Variants in ATP9B observed in about 807,000 individuals in gnomAD.
ATP9B encodes probable phospholipid-transporting ATPase IIB.
ATP9B carries 110 observed loss-of-function variants against 146.1 expected under a neutral mutation model. The observed-to-expected ratio is 0.75, with a 90% CI of 0.65 to 0.88. The LOEUF is 0.88. ATP9B is among the 40% of genes least tolerant of loss of function. The pLI is 0.00. For synonymous variants in ATP9B, 604 were observed against 569.7 expected (o/e 1.06, Z -0.86); for missense variants, 1,499 against 1,496.4 (o/e 1.00, Z -0.03).
At chr18:79,144,532 A>G (rs1417167392) in intron 6 of ATP9B, among the ~76,000 whole-genome samples, 1 of 152,160 alleles carries the variant, frequency 6.6e-6, no homozygotes, top group Non-Finnish European at 1.5e-5. Flanking sequence ...GTGAGAATCT[A>G]ATGCTGCTGC....
rs190268927 is a variant in ATP9B at position 79,361,230 on chromosome 18, G to A, written c.3012+1768G>A. ...GGCTATTGGAGTGGGGCAGTAACAC[G>A]TTTTTACTGTTTTCAAGGATTTAGA... On this transcript the variant is annotated intron_variant, in intron 26 of 29. Coordinates refer to ENST00000426216, the MANE Select transcript of ATP9B (RefSeq NM_198531.5). 1.1e-4 allele frequency: 16 copies of A among 152,260 alleles called. No individual in the cohort carries two copies. In the East Asian group the frequency reaches 2.5e-3, roughly 24 times the overall value. 9.4% of individuals were successfully genotyped at this position (152,260 alleles called of 1,614,324 possible).
chr18:79,315,436 C>T (rs1214712031), intron 15 of ATP9B, among the ~76,000 whole-genome samples: 1 of 152,140 alleles, frequency 6.6e-6, no homozygotes, highest in Non-Finnish European at 1.5e-5. Context: ...GATCAAATTG[C>T]ATCTTATGTT....
intron 12 of ATP9B, among the ~76,000 whole-genome samples, chr18:79,261,833 G>A (rs1057483184): frequency 6.6e-6 from 1 of 152,124 alleles, no homozygotes; most frequent in South Asian, 2.1e-4. Context: ...GTTGTTGCTC[G>A]AGCGTTGTGG....
At chr18:79,341,947 A>C (rs1310309981) in intron 19 of ATP9B, among the ~76,000 whole-genome samples, 1 of 152,122 alleles carries the variant, frequency 6.6e-6, no homozygotes, top group Non-Finnish European at 1.5e-5. Flanking sequence ...CCCACCATCT[A>C]GTTCTTTCTC....
At chr18:79,142,680 T>C (rs2094528591) in intron 5 of ATP9B, among the ~76,000 whole-genome samples, 2 of 152,212 alleles carry the variant, frequency 1.3e-5, no homozygotes, top group African/African-American at 2.4e-5. Context: ...CTAAAGACCA[T>C]TGCTATTTTA....
intron 7 of ATP9B, among the ~76,000 whole-genome samples, chr18:79,157,413 A>AAACAAAAAAAC (rs1184288780): frequency 2.0e-5 from 3 of 150,146 alleles, no homozygotes; most frequent in Non-Finnish European, 3.0e-5. Flanking sequence ...AAAAAAAAAA[A>AAACAAAAAAAC]AAAAAAAAAA....
At chr18:79,366,156 T>C (rs2097027040) in intron 26 of ATP9B, among the ~76,000 whole-genome samples, 1 of 152,164 alleles carries the variant, frequency 6.6e-6, no homozygotes, top group South Asian at 2.1e-4. Flanking sequence ...AAGAGACCCG[T>C]CCGTGGTCGC....
intron 15 of ATP9B, among the ~76,000 whole-genome samples, chr18:79,314,316 T>G (rs2096668128): frequency 6.6e-6 from 1 of 152,248 alleles, no homozygotes; most frequent in Non-Finnish European, 1.5e-5. Context: ...CTAGTTTTAG[T>G]CGCTGATACA....
intron 7 of ATP9B, among the ~76,000 whole-genome samples, chr18:79,171,891 T>G (rs2095078678): frequency 6.6e-6 from 1 of 151,926 alleles, no homozygotes; most frequent in Non-Finnish European, 1.5e-5. Flanking sequence ...TTTTTTTGTT[T>G]GTTTGTTTGT....
intron 26 of ATP9B, among the ~76,000 whole-genome samples, chr18:79,365,310 C>T (rs978374826): frequency 2.0e-5 from 3 of 152,110 alleles, no homozygotes; most frequent in Non-Finnish European, 4.4e-5. Context: ...CGTGAGATGC[C>T]GTGTACCCAC....
intron 13 of ATP9B, among the ~76,000 whole-genome samples, chr18:79,290,298 A>G (rs1443613564): frequency 2.6e-5 from 4 of 152,054 alleles, no homozygotes; most frequent in Non-Finnish European, 4.4e-5. Context: ...TGCTTTGTTT[A>G]CCTAAGCAAG....
intron 11 of ATP9B, among the ~76,000 whole-genome samples, chr18:79,222,232 G>A (rs551847678): frequency 8.5e-5 from 13 of 152,084 alleles, no homozygotes; most frequent in Non-Finnish European, 2.9e-5. Context: ...GGTGGCAGGC[G>A]CCTGTAAACC....
At chr18:79,157,207 TACACACACACACACACACACACACAC>T (rs147810207) in intron 7 of ATP9B, among the ~76,000 whole-genome samples, 4 of 135,326 alleles carry the variant, frequency 3.0e-5, no homozygotes, top group African/African-American at 1.1e-4. Context: ...CTAAAAAAAA[TACACACACACACACACACACACACAC>T]ACACACACAC....
intron 1 of ATP9B, among the ~76,000 whole-genome samples, chr18:79,072,288 G>A (rs2071946791): frequency 6.6e-6 from 1 of 152,092 alleles, no homozygotes; most frequent in African/African-American, 2.4e-5. Flanking sequence ...CCTAGGCAGA[G>A]GACCCTGCGG....
chr18:79,351,575 G>A (rs552614475), intron 25 of ATP9B, among the ~76,000 whole-genome samples: 1 of 152,326 alleles, frequency 6.6e-6, no homozygotes, highest in Admixed American at 6.5e-5. Flanking sequence ...CATCTAACTA[G>A]AACAAAATCA....
chr18:79,297,116 G>A (rs1256978686), intron 13 of ATP9B, among the ~76,000 whole-genome samples: 4 of 137,216 alleles, frequency 2.9e-5, no homozygotes. Context: ...AGACACAGAC[G>A]ACCCAGAGAG....
chr18:79,073,415 T>G lies in ATP9B; in HGVS notation c.119+3886T>G, dbSNP rs531428925. On this transcript the variant is annotated intron_variant, in intron 1 of 29. Coordinates refer to ENST00000426216, the MANE Select transcript of ATP9B (RefSeq NM_198531.5). ...GCCGAGGCGGGCAGACCACTCGAAG[T>G]CAGGAGCCGGAGACCAGCCTGGCCA... Among the ~76,000 whole-genome samples the G allele has an allele frequency of 2.0e-5, 3 of 152,256 alleles. No homozygotes were observed. In the East Asian group the frequency reaches 5.8e-4, roughly 29 times the overall value.
At chr18:79,202,775 T>C (rs1358377087) in intron 9 of ATP9B, among the ~76,000 whole-genome samples, 3 of 152,218 alleles carry the variant, frequency 2.0e-5, no homozygotes, top group Non-Finnish European at 4.4e-5. Flanking sequence ...TGCATAGATA[T>C]TGTGTTTTCT....
intron 9 of ATP9B, among the ~76,000 whole-genome samples, chr18:79,205,234 A>T (rs1483579249): frequency 6.6e-6 from 1 of 152,174 alleles, no homozygotes; most frequent in African/African-American, 2.4e-5. Context: ...TATTAGGGGA[A>T]ATATTTTGGA....
Sources: gnomAD v4.1 joint callset for allele counts (sites outside exome capture counted in the v4.1 genomes callset) on GRCh38, gnomAD v4.1.1 for gene constraint, MANE v1.5 for transcripts, NCBI Gene and HGNC (gene_info 2026-07-23, HGNC 2026-07-21) for gene names.